The following WWOX variants were observed in gnomAD, a reference collection of about 807,000 sequenced individuals.
WWOX encodes WW domain-containing oxidoreductase.
A neutral mutation model predicts 46.2 loss-of-function variants in WWOX; 69 were observed. The ratio of observed to expected loss-of-function variants is 1.49; its 90% CI spans 1.23 to 1.82. WWOX has a LOEUF of 1.82. Ranked by LOEUF, WWOX falls within the 40% of genes most tolerant of loss-of-function variation. The pLI is 0.00. For missense variants in WWOX, 919 were observed against 542.6 expected (o/e 1.69, Z -6.89); for synonymous variants, 359 against 202.6 (o/e 1.77, Z -6.56).
At chr16:78,981,513 C>G (rs1284986941) in intron 8 of WWOX, among the ~76,000 whole-genome samples, 2 of 151,700 alleles carry the variant, frequency 1.3e-5, no homozygotes, top group African/African-American at 4.8e-5. Context: ...TCTGGGCTCA[C>G]TGCAACCTCC....
chr16:78,602,013 A>G (rs1289800763), intron 8 of WWOX, among the ~76,000 whole-genome samples: 1 of 152,308 alleles, frequency 6.6e-6, no homozygotes, highest in African/African-American at 2.4e-5. Flanking sequence ...ATGGTTTCGT[A>G]TTAGGGATAT....
intron 8 of WWOX, among the ~76,000 whole-genome samples, chr16:78,475,862 T>G (rs1337076900): frequency 6.6e-6 from 1 of 152,220 alleles, no homozygotes; most frequent in East Asian, 1.9e-4. Flanking sequence ...CCCAAAATGC[T>G]GCGATTACAT....
At chr16:78,586,262 A>G (rs1336548897) in intron 8 of WWOX, among the ~76,000 whole-genome samples, 1 of 152,302 alleles carries the variant, frequency 6.6e-6, no homozygotes, top group Non-Finnish European at 1.5e-5. Context: ...ATGCCACTGC[A>G]TTTCAGCCTG....
At chr16:78,792,483 C>G (rs1416484294) in intron 8 of WWOX, among the ~76,000 whole-genome samples, 2 of 152,204 alleles carry the variant, frequency 1.3e-5, no homozygotes, top group Admixed American at 6.5e-5. Flanking sequence ...GTATGTCCCA[C>G]TTACAGACTG....
intron 8 of WWOX, among the ~76,000 whole-genome samples, chr16:78,481,723 A>ATGTGTGTGTGTGTGTG: frequency 2.4e-5 from 1 of 41,352 alleles, no homozygotes. Context: ...AGGGCAAGGG[A>ATGTGTGTGTGTGTGTG]AGTGTGTGTG....
intron 8 of WWOX, among the ~76,000 whole-genome samples, chr16:78,652,938 G>C (rs1255723980): frequency 6.6e-6 from 1 of 151,978 alleles, no homozygotes; most frequent in Non-Finnish European, 1.5e-5. Context: ...ATGAACTTTT[G>C]TTATTTGATT....
Position 78,470,923 on chromosome 16 carries a change from G to A in WWOX, c.1056+38171G>A, listed in dbSNP as rs186860070. On this transcript the variant is annotated intron_variant, in intron 8 of 8. Transcript: ENST00000566780. ...CAGGTGATATTGTGCCTACTTCACAGCCTTCCTAGCAACTGAGGATGGCTG... is the reference window on the plus strand; with the variant it reads ...CAGGTGATATTGTGCCTACTTCACAACCTTCCTAGCAACTGAGGATGGCTG... Among the ~76,000 whole-genome samples, 5 of 152,310 alleles carry A rather than the reference G, an allele frequency of 3.3e-5. No homozygotes were observed. In the East Asian group the frequency reaches 9.7e-4, roughly 29 times the overall value.
chr16:78,281,079 G>A (rs1309182160), intron 5 of WWOX: 1 of 152,148 alleles, frequency 6.6e-6, no homozygotes, highest in Middle Eastern at 3.2e-3. Flanking sequence ...TTCCAAAGTC[G>A]ATATGCTAGA....
chr16:78,851,638 A>G lies in WWOX; in HGVS notation c.1057-359970A>G, dbSNP rs148011649. 3.3e-3 allele frequency among the ~76,000 whole-genome samples: 510 copies of G among 152,340 alleles called. 11 individuals are homozygous for G. Among genetic ancestry groups the G allele is most frequent in the Admixed American group, 0.022 (334 of 15,304 alleles). ...TCCAACCTAGGACAGTGTCAGACAC[A>G]TAGAGATGCTCAATAAATCTTGGCT... On this transcript the variant is annotated intron_variant, in intron 8 of 8. Coordinates refer to ENST00000566780, the MANE Select transcript of WWOX (RefSeq NM_016373.4).
chr16:78,488,344 G>A (rs2084690930), intron 8 of WWOX, among the ~76,000 whole-genome samples: 1 of 152,038 alleles, frequency 6.6e-6, no homozygotes, highest in Non-Finnish European at 1.5e-5. Context: ...TGTCTAGGTG[G>A]CTGAGTTCAT....
chr16:78,922,647 G>C (rs1428785001), intron 8 of WWOX, among the ~76,000 whole-genome samples: 1 of 152,146 alleles, frequency 6.6e-6, no homozygotes, highest in Non-Finnish European at 1.5e-5. Flanking sequence ...CCAAAGTGCT[G>C]GGATTACAGG....
At chr16:78,479,489 G>A (rs1047709284) in intron 8 of WWOX, among the ~76,000 whole-genome samples, 4 of 152,154 alleles carry the variant, frequency 2.6e-5, no homozygotes, top group African/African-American at 9.7e-5. Flanking sequence ...TGCAAATATG[G>A]TAGTACTGTG....
chr16:78,794,473 A>G (rs1478164512), intron 8 of WWOX, among the ~76,000 whole-genome samples: 1 of 152,230 alleles, frequency 6.6e-6, no homozygotes, highest in East Asian at 1.9e-4. Flanking sequence ...AAATCCTTCC[A>G]TCTATGTGTC....
intron 8 of WWOX, among the ~76,000 whole-genome samples, chr16:79,082,427 T>C (rs867154079): frequency 4.6e-5 from 7 of 152,264 alleles, no homozygotes; most frequent in African/African-American, 1.4e-4. Context: ...TGAGGTCACC[T>C]TCCCATGGCC....
intron 6 of WWOX, among the ~76,000 whole-genome samples, chr16:78,419,539 C>G (rs9940773): frequency 0.17 from 24,089 of 142,704 alleles, 3,408 homozygotes; most frequent in African/African-American, 0.39. Flanking sequence ...ATAGTCTTTT[C>G]AACAGTGATG....
intron 8 of WWOX, among the ~76,000 whole-genome samples, chr16:78,740,906 C>G (rs879373934): frequency 3.9e-5 from 6 of 152,124 alleles, no homozygotes; most frequent in Non-Finnish European, 7.4e-5. Context: ...ACCAGAAACC[C>G]TCACAGAAAA....
At chr16:79,063,258 A>G (rs2150552216) in intron 8 of WWOX, among the ~76,000 whole-genome samples, 1 of 152,294 alleles carries the variant, frequency 6.6e-6, no homozygotes, top group East Asian at 1.9e-4. Flanking sequence ...TGTTTTAGAT[A>G]TGGTTACCCA....
intron 8 of WWOX, among the ~76,000 whole-genome samples, chr16:78,829,464 A>G (rs1248607867): frequency 3.3e-5 from 5 of 152,204 alleles, no homozygotes; most frequent in Non-Finnish European, 7.3e-5. Flanking sequence ...GGTTAGTCTC[A>G]TGTAGAATCA....
At chr16:78,584,597 G>C (rs557400512) in intron 8 of WWOX, among the ~76,000 whole-genome samples, 1 of 152,312 alleles carries the variant, frequency 6.6e-6, no homozygotes, top group Admixed American at 6.5e-5. Context: ...TAGGCATGCT[G>C]TTGAGTGAAA....
Sources: allele counts gnomAD v4.1 joint callset (sites outside exome capture counted in the v4.1 genomes callset), GRCh38; gene constraint gnomAD v4.1.1; transcripts MANE v1.5; gene names NCBI Gene and HGNC (gene_info 2026-07-23, HGNC 2026-07-21).